Variants in GBE1 observed in about 807,000 individuals in gnomAD.
GBE1 encodes the protein 1,4-alpha-glucan branching enzyme 1.
A neutral mutation model predicts 88.8 loss-of-function variants in GBE1; 70 were observed. That is an observed-to-expected ratio of 0.79 (90% CI 0.65 to 0.96). GBE1 has a LOEUF of 0.96. Among genes scored for constraint, GBE1 ranks in the 40% least tolerant of loss-of-function variants. The pLI is 0.00. For missense variants in GBE1, 872 were observed against 871.0 expected (o/e 1.00, Z -0.01); for synonymous variants, 284 against 300.1 (o/e 0.95, Z 0.56).
intron 10 of GBE1, among the ~76,000 whole-genome samples, chr3:81,581,857 T>C (rs1048835533): frequency 1.3e-5 from 2 of 152,126 alleles, no homozygotes; most frequent in Non-Finnish European, 2.9e-5. Flanking sequence ...TATACTTTTA[T>C]GCAACTGAAC....
chr3:81,657,935 C>G (rs568036405), intron 3 of GBE1, among the ~76,000 whole-genome samples: 1 of 152,002 alleles, frequency 6.6e-6, no homozygotes, highest in Admixed American at 6.5e-5. Flanking sequence ...TGCCCCTGAG[C>G]TCTTATATTA....
intron 1 of GBE1, among the ~76,000 whole-genome samples, chr3:81,750,619 ATATATATATACG>A (rs1559708715): frequency 1.8e-4 from 12 of 66,448 alleles, no homozygotes; most frequent in East Asian, 1.7e-3. Flanking sequence ...ATATATATGT[ATATATATATACG>A]TATATATATA....
chr3:81,585,070 A>C (rs1274254935), intron 10 of GBE1, among the ~76,000 whole-genome samples: 1 of 152,084 alleles, frequency 6.6e-6, no homozygotes, highest in African/African-American at 2.4e-5. Context: ...CATGTATTAA[A>C]GGAGAATATT....
At chr3:81,572,373 C>T (rs934046128) in intron 12 of GBE1, among the ~76,000 whole-genome samples, 2 of 152,094 alleles carry the variant, frequency 1.3e-5, no homozygotes, top group African/African-American at 4.8e-5. Context: ...CTTACTATTG[C>T]CCAATGTAGT....
At chr3:81,529,682 T>C (rs568383025) in intron 14 of GBE1, among the ~76,000 whole-genome samples, 2 of 152,188 alleles carry the variant, frequency 1.3e-5, no homozygotes, top group East Asian at 3.9e-4. Flanking sequence ...TGCGGCTAGA[T>C]GTATTGGAGC....
intron 12 of GBE1, among the ~76,000 whole-genome samples, chr3:81,566,965 CA>C (rs1703504177): frequency 6.6e-6 from 1 of 152,106 alleles, no homozygotes; most frequent in African/African-American, 2.4e-5. Flanking sequence ...CATAAGAAAA[CA>C]AACCTCTCTC....
intron 1 of GBE1, 69 bp downstream of exon 1, chr3:81,761,306 C>T: frequency 2.0e-6 from 3 of 1,532,946 alleles, no homozygotes; most frequent in African/African-American, 1.4e-5. Context: ...AGGGGCGGCC[C>T]GTGTCCCGAG....
intron 1 of GBE1, among the ~76,000 whole-genome samples, chr3:81,727,503 T>G (rs1197031017): frequency 6.6e-6 from 1 of 152,220 alleles, no homozygotes; most frequent in Non-Finnish European, 1.5e-5. Flanking sequence ...GAGGCACAAG[T>G]GCAGATTCTT....
intron 9 of GBE1, among the ~76,000 whole-genome samples, chr3:81,589,147 A>C (rs1342322701): frequency 6.6e-6 from 1 of 152,126 alleles, no homozygotes; most frequent in Non-Finnish European, 1.5e-5. Flanking sequence ...GGATGAAATT[A>C]AAATAGTTCT....
chr3:81,626,347 C>T (rs1293837364), intron 7 of GBE1, among the ~76,000 whole-genome samples: 1 of 152,032 alleles, frequency 6.6e-6, no homozygotes, highest in Non-Finnish European at 1.5e-5. Flanking sequence ...CATATGTACA[C>T]TTATGCAATG....
At chr3:81,755,076 G>C (rs1041806002) in intron 1 of GBE1, among the ~76,000 whole-genome samples, 2 of 151,996 alleles carry the variant, frequency 1.3e-5, no homozygotes, top group African/African-American at 4.8e-5. Context: ...CAAACTATCA[G>C]ATAAGAGATT....
At chr3:81,553,749 A>G (rs988063917) in intron 12 of GBE1, among the ~76,000 whole-genome samples, 1 of 151,468 alleles carries the variant, frequency 6.6e-6, no homozygotes, top group South Asian at 2.1e-4. Context: ...AAAGAGGAAC[A>G]TATCTATACC....
At position 81,706,782 on chromosome 3, in the gene GBE1, C is replaced by G. The variant is rs138608172; in HGVS notation, c.144-1169G>C. 7.7e-4 allele frequency among the ~76,000 whole-genome samples: 116 copies of G among 151,550 alleles called. 2 individuals are homozygous for G. In the East Asian group the frequency reaches 0.022, roughly 28 times the overall value. On this transcript the variant is annotated intron_variant, in intron 1 of 15. Coordinates refer to ENST00000429644, the MANE Select transcript of GBE1 (RefSeq NM_000158.4). ...TAAGAGCTGAAAGATTATATGACAA[C>G]AGAATGAAAAGTAAAAGACTGCAGA...
At chr3:81,593,068 A>T (rs1703902657) in intron 8 of GBE1, among the ~76,000 whole-genome samples, 1 of 152,062 alleles carries the variant, frequency 6.6e-6, no homozygotes, top group South Asian at 2.1e-4. Context: ...GCCATTAAAA[A>T]ATAATAATAA....
chr3:81,543,751 C>T (rs1205053199), intron 12 of GBE1, among the ~76,000 whole-genome samples: 2 of 151,966 alleles, frequency 1.3e-5, no homozygotes, highest in Non-Finnish European at 2.9e-5. Context: ...AAAAATGGAT[C>T]AGAAATCTAA....
rs569968530 is a variant in GBE1 at position 81,725,665 on chromosome 3, G to A, written c.144-20052C>T. Among the ~76,000 whole-genome samples, 8 of 152,224 alleles carry A rather than the reference G, an allele frequency of 5.3e-5. No individual in the cohort carries two copies. The South Asian group carries it at 1.7e-3, about 32-fold the overall frequency. ...ATATGCTCTACTTTTATATGACTGG[G>A]AGCACAGCAGGTTTGTTTTCATCAG... is the stretch of plus-strand genomic sequence containing the variant. On this transcript the variant is annotated intron_variant, in intron 1 of 15. Transcript: ENST00000429644.
intron 12 of GBE1, among the ~76,000 whole-genome samples, chr3:81,554,647 C>A (rs1307018108): frequency 1.3e-5 from 2 of 152,088 alleles, no homozygotes; most frequent in Admixed American, 1.3e-4. Flanking sequence ...AAGCACATAG[C>A]CACAGGGGAA....
At chr3:81,548,242 T>C (rs567883067) in intron 12 of GBE1, among the ~76,000 whole-genome samples, 1 of 151,598 alleles carries the variant, frequency 6.6e-6, no homozygotes, top group African/African-American at 2.4e-5. Flanking sequence ...GTTATAAAAA[T>C]TGTAAGGGTT....
chr3:81,745,992 T>C (rs552630556), intron 1 of GBE1, among the ~76,000 whole-genome samples: 246 of 152,294 alleles, frequency 1.6e-3, no homozygotes, highest in African/African-American at 5.7e-3. Context: ...TAATTTCATT[T>C]AGATAAAAGA....
Sources: gnomAD v4.1 joint callset for allele counts (sites outside exome capture counted in the v4.1 genomes callset) on GRCh38, gnomAD v4.1.1 for gene constraint, MANE v1.5 for transcripts, NCBI Gene and HGNC (gene_info 2026-07-23, HGNC 2026-07-21) for gene names.